Variants in ADAMTS6 observed in about 807,000 individuals in gnomAD.
ADAMTS6 encodes A disintegrin and metalloproteinase with thrombospondin motifs 6.
Under a neutral mutation model 144.3 loss-of-function variants are expected in ADAMTS6, and 23 were observed. The ratio of observed to expected loss-of-function variants is 0.16; its 90% confidence interval spans 0.11 to 0.23. The LOEUF is 0.23. ADAMTS6 is among the 10% of genes least tolerant of loss of function. The pLI is 1.00. For missense variants in ADAMTS6, 999 were observed against 1,379.6 expected (o/e 0.72, Z 4.37); for synonymous variants, 444 against 457.5 (o/e 0.97, Z 0.38).
chr5:65,327,263 G>A (rs1314724776), intron 9 of ADAMTS6, among the ~76,000 whole-genome samples: 2 of 152,118 alleles, frequency 1.3e-5, no homozygotes, highest in African/African-American at 4.8e-5. Context: ...CATACAGCCT[G>A]TATGCCTGTG....
chr5:65,193,429 G>A (rs1342854519), intron 21 of ADAMTS6, among the ~76,000 whole-genome samples: 1 of 151,832 alleles, frequency 6.6e-6, no homozygotes, highest in African/African-American at 2.4e-5. Context: ...GATGATAAAA[G>A]GCAAAAGAGA....
chr5:65,398,355 T>C (rs1753529560), intron 7 of ADAMTS6, among the ~76,000 whole-genome samples: 2 of 152,240 alleles, frequency 1.3e-5, no homozygotes, highest in Non-Finnish European at 2.9e-5. Context: ...CTTGCAGAAC[T>C]GACTCCTTTA....
chr5:65,303,016 A>T (rs948323992), intron 9 of ADAMTS6, among the ~76,000 whole-genome samples: 1 of 152,136 alleles, frequency 6.6e-6, no homozygotes, highest in Non-Finnish European at 1.5e-5. Flanking sequence ...ATTGCCTTGG[A>T]ATATAAAAAC....
chr5:65,226,528 T>A (rs1757739074), intron 15 of ADAMTS6, among the ~76,000 whole-genome samples: 2 of 151,920 alleles, frequency 1.3e-5, no homozygotes, highest in Admixed American at 1.3e-4. Flanking sequence ...TTTACAATTT[T>A]GGTAAAAAGG....
intron 18 of ADAMTS6, among the ~76,000 whole-genome samples, chr5:65,219,134 G>A (rs1757131599): frequency 6.6e-6 from 1 of 152,080 alleles, no homozygotes; most frequent in Non-Finnish European, 1.5e-5. Flanking sequence ...TAAACCCAAC[G>A]ATATTGATAA....
intron 8 of ADAMTS6, among the ~76,000 whole-genome samples, chr5:65,331,593 T>C (rs1034301010): frequency 1.3e-5 from 2 of 152,076 alleles, no homozygotes; most frequent in Admixed American, 1.3e-4. Context: ...AAAATTCTTA[T>C]GTGTGATTGT....
chr5:65,351,949 T>C (rs967691103), intron 7 of ADAMTS6, among the ~76,000 whole-genome samples: 1 of 152,212 alleles, frequency 6.6e-6, no homozygotes, highest in Admixed American at 6.5e-5. Flanking sequence ...ATCTATCAAG[T>C]CACCCACTAC....
At chr5:65,301,613 G>A (rs1217288458) in intron 9 of ADAMTS6, among the ~76,000 whole-genome samples, 3 of 152,132 alleles carry the variant, frequency 2.0e-5, no homozygotes, top group African/African-American at 7.2e-5. Context: ...TGGAGATCCT[G>A]AAGTAGGAAG....
chr5:65,160,502 C>T (rs531156037), intron 24 of ADAMTS6, among the ~76,000 whole-genome samples: 1 of 152,008 alleles, frequency 6.6e-6, no homozygotes, highest in Admixed American at 6.6e-5. Context: ...GATGGGGTTT[C>T]ACCATGTTAG....
intron 13 of ADAMTS6, among the ~76,000 whole-genome samples, chr5:65,262,023 G>A (rs1224207736): frequency 6.6e-6 from 1 of 152,052 alleles, no homozygotes; most frequent in Non-Finnish European, 1.5e-5. Flanking sequence ...TCCTCAACCA[G>A]CGTTCTAGAC....
chr5:65,421,803 A>T (rs1476659162), intron 7 of ADAMTS6, among the ~76,000 whole-genome samples: 1 of 152,240 alleles, frequency 6.6e-6, no homozygotes, highest in Admixed American at 6.5e-5. Context: ...TACATAAAAA[A>T]ATCAACTCAA....
intron 7 of ADAMTS6, among the ~76,000 whole-genome samples, chr5:65,358,850 A>C (rs1275413217): frequency 1.3e-5 from 2 of 152,006 alleles, no homozygotes; most frequent in African/African-American, 4.8e-5. Context: ...TGGACCCTTA[A>C]CTCACATCAT....
At chr5:65,259,159 C>T (rs1760944841) in intron 14 of ADAMTS6, among the ~76,000 whole-genome samples, 2 of 151,564 alleles carry the variant, frequency 1.3e-5, no homozygotes, top group South Asian at 4.2e-4. Flanking sequence ...GAGTTCGAGA[C>T]CAGTCTGGCC....
At position 65,380,864 on chromosome 5, in the gene ADAMTS6, AC is replaced by A. The variant is rs200171375; in HGVS notation, c.1074-46780del. Among the ~76,000 whole-genome samples the A allele has an allele frequency of 4.6e-5, 7 of 152,274 alleles. No individual in the cohort carries two copies. The East Asian group carries it at 1.3e-3, about 29-fold the overall frequency. ...ATAATATAAACATTTTTACATTTTGACCATCTGTCTTATAATTTTTCTAATA... is the reference window on the plus strand; with the variant it reads ...ATAATATAAACATTTTTACATTTTGACATCTGTCTTATAATTTTTCTAATA... On this transcript the variant is annotated intron_variant, in intron 7 of 24. Transcript: ENST00000381055.
chr5:65,178,883 G>A (rs892398766), intron 22 of ADAMTS6, among the ~76,000 whole-genome samples: 6 of 152,074 alleles, frequency 3.9e-5, no homozygotes, highest in African/African-American at 1.2e-4. Context: ...CCTTGCTCCC[G>A]GTATCAGAGA....
At chr5:65,373,083 G>A (rs1429732900) in intron 7 of ADAMTS6, among the ~76,000 whole-genome samples, 2 of 152,006 alleles carry the variant, frequency 1.3e-5, no homozygotes, top group Non-Finnish European at 2.9e-5. Flanking sequence ...CAACATACCA[G>A]AATCTCTGGG....
At chr5:65,345,366 T>C (rs573583126) in intron 7 of ADAMTS6, among the ~76,000 whole-genome samples, 181 of 151,870 alleles carry the variant, frequency 1.2e-3, no homozygotes, top group African/African-American at 4.1e-3. Flanking sequence ...ATGAAGTTGC[T>C]GTATGTTTGT....
At chr5:65,279,944 C>A (rs866078608) in intron 11 of ADAMTS6, among the ~76,000 whole-genome samples, 1 of 152,058 alleles carries the variant, frequency 6.6e-6, no homozygotes, top group African/African-American at 2.4e-5. Flanking sequence ...TTTTTCTTTG[C>A]GTATTCTGTG....
intron 3 of ADAMTS6, among the ~76,000 whole-genome samples, chr5:65,466,929 C>T (rs1383566584): frequency 1.3e-5 from 2 of 151,710 alleles, no homozygotes; most frequent in African/African-American, 2.4e-5. Context: ...GTAGTCCCAG[C>T]TACTCGGGAG....
Sources: gnomAD v4.1 joint callset for allele counts (sites outside exome capture counted in the v4.1 genomes callset) on GRCh38, gnomAD v4.1.1 for gene constraint, MANE v1.5 for transcripts, NCBI Gene and HGNC (gene_info 2026-07-23, HGNC 2026-07-21) for gene names.